Variants in TBL1Y observed in about 807,000 individuals in gnomAD.
The protein encoded by TBL1Y is F-box-like/WD repeat-containing protein TBL1Y.
TBL1Y carries 15 observed loss-of-function variants against 12.0 expected under a neutral mutation model. That is an observed-to-expected ratio of 1.25 (90% CI 0.83 to 1.92). TBL1Y has a LOEUF of 1.92. TBL1Y is among the 40% of genes most tolerant of loss of function. The pLI is 0.00. For missense variants in TBL1Y, 148 were observed against 116.7 expected (o/e 1.27, Z -1.24); for synonymous variants, 53 against 42.6 (o/e 1.24, Z -0.95).
chrY:6,921,249 A>G (rs2011775502), intron 2 of TBL1Y, among the ~76,000 whole-genome samples: 1 of 32,657 alleles, frequency 3.1e-5, no homozygotes, highest in Non-Finnish European at 7.5e-5. Context: ...AGTAGTCTCC[A>G]GATGTTCAAG....
At chrY:6,993,168 T>G in intron 3 of TBL1Y, among the ~76,000 whole-genome samples, 1 of 31,703 alleles carries the variant, frequency 3.2e-5, no homozygotes, top group Non-Finnish European at 7.7e-5. Context: ...GTAGAAATCC[T>G]GGCTGTGTCC....
At chrY:7,041,730 C>T (rs1023743247) in intron 6 of TBL1Y, among the ~76,000 whole-genome samples, 4 of 33,095 alleles carry the variant, frequency 1.2e-4, no homozygotes, top group South Asian at 7.0e-4. Context: ...TTAGGAAACT[C>T]CCTGCAGCAC....
chrY:7,062,688 C>G, intron 7 of TBL1Y, among the ~76,000 whole-genome samples: 1 of 32,892 alleles, frequency 3.0e-5, no homozygotes, highest in East Asian at 8.2e-4. Context: ...AATTTCTTGC[C>G]TTTTGGGTTG....
At chrY:6,954,251 G>A (rs1270192809) in intron 2 of TBL1Y, among the ~76,000 whole-genome samples, 7 of 34,039 alleles carry the variant, frequency 2.1e-4, no homozygotes, top group Non-Finnish European at 5.2e-4. Flanking sequence ...CCTTTTGTTC[G>A]TTTATGCCCT....
intron 6 of TBL1Y, among the ~76,000 whole-genome samples, chrY:7,038,453 G>A (rs2012705758): frequency 3.1e-5 from 1 of 32,039 alleles, no homozygotes; most frequent in African/African-American, 1.2e-4. Flanking sequence ...GGGAGTAGTG[G>A]CCTTTTAGGT....
chrY:6,933,795 A>G, intron 2 of TBL1Y, among the ~76,000 whole-genome samples: 1 of 33,641 alleles, frequency 3.0e-5, no homozygotes, highest in African/African-American at 1.2e-4. Flanking sequence ...GCCTCCTTCA[A>G]TACAGAGGAT....
intron 6 of TBL1Y, among the ~76,000 whole-genome samples, chrY:7,030,024 A>G: frequency 1.2e-4 from 4 of 34,070 alleles, no homozygotes; most frequent in Non-Finnish European, 2.2e-4. Context: ...AAACATTTTC[A>G]TACAGATCTT....
intron 2 of TBL1Y, among the ~76,000 whole-genome samples, chrY:6,939,760 A>G (rs2011935099): frequency 4.4e-5 from 1 of 22,654 alleles, no homozygotes; most frequent in Non-Finnish European, 9.5e-5. Context: ...TGTAACCTCC[A>G]CCTCCTGGGT....
chrY:6,977,768 A>G (rs2012255005), intron 2 of TBL1Y, among the ~76,000 whole-genome samples: 1 of 32,961 alleles, frequency 3.0e-5, no homozygotes, highest in Non-Finnish European at 7.4e-5. Flanking sequence ...TTATGAGTAG[A>G]GTGAAGCTCC....
intron 4 of TBL1Y, among the ~76,000 whole-genome samples, chrY:7,012,554 C>T (rs1024278867): frequency 1.5e-4 from 5 of 34,049 alleles, no homozygotes; most frequent in Admixed American, 2.7e-4. Context: ...TGTTTATTCT[C>T]ATTGTGCAGA....
intron 2 of TBL1Y, among the ~76,000 whole-genome samples, chrY:6,958,983 T>A: frequency 6.0e-5 from 2 of 33,563 alleles, no homozygotes; most frequent in African/African-American, 2.3e-4. Context: ...CCTTTATGGG[T>A]GTTGGGCTGG....
At chrY:6,999,505 C>T (rs935800665) in intron 4 of TBL1Y, among the ~76,000 whole-genome samples, 9 of 32,663 alleles carry the variant, frequency 2.8e-4, no homozygotes, top group Non-Finnish European at 5.2e-4. Flanking sequence ...GCCCCACTTC[C>T]GGCTTTAATT....
intron 7 of TBL1Y, among the ~76,000 whole-genome samples, chrY:7,059,900 G>A (rs2012848284): frequency 3.0e-5 from 1 of 33,221 alleles, no homozygotes. Flanking sequence ...ATAAAACCTT[G>A]TAGGCATATT....
At chrY:6,976,661 G>C (rs756296990) in intron 2 of TBL1Y, among the ~76,000 whole-genome samples, 1 of 33,492 alleles carries the variant, frequency 3.0e-5, no homozygotes, top group Admixed American at 2.8e-4. Flanking sequence ...ACAATTCTAG[G>C]CGATGTTGGT....
In TBL1Y at chrY:6,995,645, G is replaced by C. The variant is rs2012404717; in HGVS notation, c.-234-159G>C. ...TTGTTGCCCAGGCTGGAGTGCAGTA[G>C]TGCAATCTCAGTTCACTGCAACCTC... On this transcript the variant is annotated intron_variant, in intron 3 of 18. Coordinates refer to ENST00000383032, the MANE Select transcript of TBL1Y (RefSeq NM_033284.2). Among the ~76,000 whole-genome samples the C allele has an allele frequency of 6.5e-4, 21 of 32,344 alleles. No individual in the cohort carries two copies. The South Asian group carries it at 0.015, about 24-fold the overall frequency. 86.8% of individuals were successfully genotyped at this position (32,344 alleles called of 37,273 possible).
chrY:6,948,345 G>C, intron 2 of TBL1Y, among the ~76,000 whole-genome samples: 1 of 31,100 alleles, frequency 3.2e-5, no homozygotes, highest in Non-Finnish European at 7.7e-5. Context: ...ACAACTCAGC[G>C]TACATCAAAA....
At chrY:6,996,818 G>A (rs952101235) in intron 4 of TBL1Y, among the ~76,000 whole-genome samples, 16 of 33,013 alleles carry the variant, frequency 4.8e-4, no homozygotes, top group Admixed American at 1.1e-3. Flanking sequence ...TCAGGGCCCT[G>A]CAGGATCAGC....
At chrY:6,944,398 A>G in intron 2 of TBL1Y, among the ~76,000 whole-genome samples, 1 of 34,334 alleles carries the variant, frequency 2.9e-5, no homozygotes, top group Non-Finnish European at 7.3e-5. Flanking sequence ...AATTTGTTGA[A>G]TAGTGTTTTT....
At chrY:7,033,279 A>G in intron 6 of TBL1Y, among the ~76,000 whole-genome samples, 1 of 33,223 alleles carries the variant, frequency 3.0e-5, no homozygotes, top group Non-Finnish European at 7.4e-5. Context: ...CCAAGACTAA[A>G]CCAAGAAGAG....
Sources: allele counts gnomAD v4.1 joint callset (sites outside exome capture counted in the v4.1 genomes callset), GRCh38; gene constraint gnomAD v4.1.1; transcripts MANE v1.5; gene names NCBI Gene and HGNC (gene_info 2026-07-23, HGNC 2026-07-21).